CREB3L2: variants seen among roughly 807,000 people sequenced by gnomAD.
CREB3L2 encodes cyclic AMP-responsive element-binding protein 3-like protein 2.
Under a neutral mutation model 57.2 loss-of-function variants are expected in CREB3L2, and 23 were observed. The ratio of observed to expected loss-of-function variants is 0.40; its 90% CI spans 0.29 to 0.57. The LOEUF (loss-of-function observed/expected upper bound fraction) is 0.57, where lower values mean the gene tolerates loss of function less well. Ranked by LOEUF, CREB3L2 falls within the 20% of genes least tolerant of loss-of-function variation. The pLI is 0.42. For missense variants in CREB3L2, 628 were observed against 634.7 expected (o/e 0.99, Z 0.11); for synonymous variants, 268 against 265.1 (o/e 1.01, Z -0.11).
intron 8 of CREB3L2, among the ~76,000 whole-genome samples, chr7:137,898,321 T>C (rs561713196): frequency 6.6e-6 from 1 of 152,134 alleles, no homozygotes; most frequent in African/African-American, 2.4e-5. Context: ...GGAATGTAAA[T>C]TAGTAAAACC....
intron 2 of CREB3L2, among the ~76,000 whole-genome samples, chr7:137,927,010 A>G (rs1427688978): frequency 6.6e-6 from 1 of 152,036 alleles, no homozygotes; most frequent in African/African-American, 2.4e-5. Context: ...TAAAAAAATT[A>G]GCCAGGTGTA....
At chr7:137,907,421 G>A (rs564311605) in intron 5 of CREB3L2, among the ~76,000 whole-genome samples, 14 of 152,330 alleles carry the variant, frequency 9.2e-5, no homozygotes, top group African/African-American at 3.1e-4. Flanking sequence ...GTGAAAAGGT[G>A]AAGAAAGAGT....
chr7:137,882,690 T>C lies in CREB3L2; in HGVS notation c.1271-62A>G, dbSNP rs1201882542. ...GACCACAGGGGTCCAACACATTCCC[T>C]CACTCCAGGTGCTCAGGGCTGGTGG... On this transcript the variant is annotated intron_variant, in intron 10 of 11. Transcript: ENST00000330387. 3.4e-6 allele frequency: 4 copies of C among 1,172,664 alleles called. No individual in the cohort carries two copies. The South Asian group carries it at 4.9e-5, about 14-fold the overall frequency. The allele number at this position is 1,172,664 out of a possible 1,614,324, so 72.6% of individuals were successfully genotyped here.
At chr7:137,975,627 A>G (rs1010366627) in intron 1 of CREB3L2, among the ~76,000 whole-genome samples, 1 of 152,182 alleles carries the variant, frequency 6.6e-6, no homozygotes, top group Non-Finnish European at 1.5e-5. Flanking sequence ...CAAGTAGCAC[A>G]CGGCATACTT....
At chr7:137,989,714 G>A (rs1801854893) in intron 1 of CREB3L2, among the ~76,000 whole-genome samples, 1 of 152,006 alleles carries the variant, frequency 6.6e-6, no homozygotes, top group Non-Finnish European at 1.5e-5. Context: ...TGAATGTTCT[G>A]CAAGTACACC....
Position 137,880,518 on chromosome 7 carries a change from T to C in CREB3L2, c.1521A>G (p.Leu507=). 6.2e-7 allele frequency: 1 copy of C among 1,613,996 alleles called. No individual in the cohort carries two copies. The highest frequency in any genetic ancestry group is 8.5e-7 in the Non-Finnish European group (1 of 1,179,948). ...CTCTTCTGTCGAGTTCTACAACTTT[T>C]AGTGTTTCATTCCCCTCCAGTTTGG... ...VSAKLEGNET[L]KVVELDRRVN... The change falls in exon 12 of 12, where the codon CTA becomes CTG. Residue 507 remains leucine (L), a synonymous_variant. Transcript: ENST00000330387. This position sits in a 1 kb window ranked among gnomAD's most constrained non-coding sequence, Gnocchi z 4.0.
intron 1 of CREB3L2, among the ~76,000 whole-genome samples, chr7:137,960,006 C>T (rs1361494724): frequency 6.6e-6 from 1 of 152,136 alleles, no homozygotes; most frequent in Non-Finnish European, 1.5e-5. Flanking sequence ...CCATTGTACT[C>T]CTCTAGCAAA....
intron 1 of CREB3L2, among the ~76,000 whole-genome samples, chr7:137,962,770 C>T (rs1190077029): frequency 6.6e-6 from 1 of 152,130 alleles, no homozygotes; most frequent in East Asian, 1.9e-4. Flanking sequence ...GGGGGCCGAA[C>T]GTTTGTCTAC....
rs1563233046 is a variant in CREB3L2 at position 137,876,330 on chromosome 7, ACG to A, written c.*4144_*4145del. ...ATGAGCATGTAAGGGAGGAATGTGC[ACG>A]TGTGTGTGTGTGTGTGTGTGTGTGT... is the stretch of plus-strand genomic sequence containing the variant. On this transcript the variant is annotated 3_prime_UTR_variant, in exon 12 of 12. Coordinates refer to ENST00000330387, the MANE Select transcript of CREB3L2 (RefSeq NM_194071.4). 2 of 172,262 alleles carry A rather than the reference ACG, an allele frequency of 1.2e-5. No individual in the cohort carries two copies. The highest frequency in any genetic ancestry group is 4.3e-5 in the African/African-American group (1 of 23,342). The allele number at this position is 172,262 out of a possible 1,614,324, so 10.7% of individuals were successfully genotyped here.
intron 2 of CREB3L2, among the ~76,000 whole-genome samples, chr7:137,922,414 A>ATATGTG (rs1390842889): frequency 3.3e-5 from 1 of 29,932 alleles, no homozygotes; most frequent in African/African-American, 9.7e-5. Context: ...ATATATATAT[A>ATATGTG]TGTATATATA....
intron 8 of CREB3L2, among the ~76,000 whole-genome samples, chr7:137,890,146 G>A (rs560692740): frequency 2.0e-5 from 3 of 152,152 alleles, no homozygotes; most frequent in South Asian, 2.1e-4. Context: ...AGCCATAGAC[G>A]GAAGAGCCAC....
chr7:137,885,371 C>T (rs369958971), intron 9 of CREB3L2, 32 bp downstream of exon 9: 37 of 1,560,562 alleles, frequency 2.4e-5, no homozygotes, highest in African/African-American at 2.3e-4. Context: ...AGGCCAGGGG[C>T]GGTCACTGTG....
chr7:137,967,390 CT>C (rs1801426057), intron 1 of CREB3L2, among the ~76,000 whole-genome samples: 1 of 152,158 alleles, frequency 6.6e-6, no homozygotes, highest in Non-Finnish European at 1.5e-5. Context: ...ATTTACCTAA[CT>C]TTGGGCCAAG....
chr7:137,882,493 G>A lies in CREB3L2; in HGVS notation c.1406C>T (p.Pro469Leu), dbSNP rs375939444. 5.9e-5 allele frequency: 95 copies of A among 1,613,844 alleles called. No individual in the cohort carries two copies. The highest frequency in any genetic ancestry group is 6.7e-5 in the Admixed American group (4 of 59,986). The change falls in exon 11 of 12, where the codon CCG becomes CTG. Residue 469 changes from proline (P) to leucine (L), a missense_variant. Transcript: ENST00000330387. ...LLRVSGLESR[P>L]DVDLPHFIIS... ...AATGAAATGGGGAAGATCCACATCC[G>A]GCCTGGACTCCAGCCCTGACACCCT...
intron 7 of CREB3L2, among the ~76,000 whole-genome samples, chr7:137,902,091 G>C (rs891118861): frequency 1.3e-5 from 2 of 149,900 alleles, no homozygotes; most frequent in African/African-American, 4.9e-5. Flanking sequence ...CTACTTGGGA[G>C]GCTGAGACAG....
At position 137,915,913 on chromosome 7, in the gene CREB3L2, G is replaced by A. The variant is rs778038461; in HGVS notation, c.419C>T (p.Pro140Leu). 14 of 1,614,154 alleles carry A rather than the reference G, an allele frequency of 8.7e-6. No homozygotes were observed. Among genetic ancestry groups the A allele is most frequent in the Non-Finnish European group, 1.2e-5 (14 of 1,180,002 alleles). Residue 140 changes from proline (P) to leucine (L), a missense_variant, in exon 3 of 12, where the codon CCG becomes CTG. Around this residue, in one of 3 missense-constraint regions of CREB3L2, gnomAD observed 339 missense variants for 355.4 expected, o/e 0.95. Transcript: ENST00000330387. ...VTDEPPPGLV[P>L]SVTLTITAIS... ...GGCTGTGATGGTCAGAGTGACAGAC[G>A]GAACGAGTCCTGGGGGTGGTTCGTC...
intron 8 of CREB3L2, among the ~76,000 whole-genome samples, chr7:137,891,250 G>C (rs1799522987): frequency 6.6e-6 from 1 of 152,166 alleles, no homozygotes; most frequent in Non-Finnish European, 1.5e-5. Context: ...CCATCACCCT[G>C]TATCTTGGGA....
intron 1 of CREB3L2, among the ~76,000 whole-genome samples, chr7:137,989,580 T>C (rs1801852061): frequency 6.6e-6 from 1 of 152,022 alleles, no homozygotes; most frequent in African/African-American, 2.4e-5. Context: ...GACTATCTTA[T>C]ATGGATTATT....
At chr7:137,929,171 T>C (rs1305535466) in intron 1 of CREB3L2, among the ~76,000 whole-genome samples, 1 of 152,120 alleles carries the variant, frequency 6.6e-6, no homozygotes, top group Non-Finnish European at 1.5e-5. Context: ...GCCCCCACCA[T>C]GCTTTGGACA....
Sources: gnomAD v4.1 joint callset for allele counts (sites outside exome capture counted in the v4.1 genomes callset) on GRCh38, gnomAD v4.1.1 for gene constraint, gnomAD v4.1.1 regional missense constraint, Gnocchi (gnomAD v3.1) non-coding constraint, MANE v1.5 for transcripts, NCBI Gene and HGNC (gene_info 2026-07-23, HGNC 2026-07-21) for gene names.